The following ITGA8 variants were observed in gnomAD, a reference collection of about 807,000 sequenced individuals.
ITGA8 encodes integrin subunit alpha 8, also known as integrin alpha-8.
ITGA8 carries 91 observed loss-of-function variants against 142.3 expected under a neutral mutation model. The ratio of observed to expected loss-of-function variants is 0.64; its 90% CI spans 0.54 to 0.76. The LOEUF is 0.76. Ranked by LOEUF, ITGA8 falls within the 30% of genes least tolerant of loss-of-function variation. ITGA8 has a pLI of 0.00. For missense variants in ITGA8, 1,406 were observed against 1,327.7 expected, an observed-to-expected ratio of 1.06 and a Z score of -0.92; for synonymous variants, 505 against 485.2, an observed-to-expected ratio of 1.04 and a Z score of -0.54.
chr10:15,570,129 T>C (rs2131579618), intron 25 of ITGA8, among the ~76,000 whole-genome samples: 1 of 152,352 alleles, frequency 6.6e-6, no homozygotes, highest in Admixed American at 6.5e-5. Context: ...TCTCTATGAA[T>C]TTAGAATTTC....
chr10:15,601,983 G>A (rs1833112119), intron 20 of ITGA8, among the ~76,000 whole-genome samples: 1 of 152,208 alleles, frequency 6.6e-6, no homozygotes, highest in Non-Finnish European at 1.5e-5. Flanking sequence ...AAGTAGTGAA[G>A]GAATCATTTG....
chr10:15,531,191 A>G (rs1325516750), intron 27 of ITGA8, 40 bp from the exon 28 acceptor site: 1 of 1,083,784 alleles, frequency 9.2e-7, no homozygotes, highest in Non-Finnish European at 1.3e-6. Context: ...TTTCATATAA[A>G]GTTTTTAAGA....
chr10:15,640,262 A>C (rs1040204901), intron 13 of ITGA8, among the ~76,000 whole-genome samples: 1 of 152,136 alleles, frequency 6.6e-6, no homozygotes, highest in Non-Finnish European at 1.5e-5. Flanking sequence ...GGTCTTCCTC[A>C]TAGACAAGGA....
At chr10:15,571,801 C>T (rs556034240) in intron 25 of ITGA8, among the ~76,000 whole-genome samples, 1 of 152,326 alleles carries the variant, frequency 6.6e-6, no homozygotes, top group African/African-American at 2.4e-5. Context: ...TTGCTATGGG[C>T]TGCAGCTGGA....
chr10:15,701,152 A>T (rs994967497), intron 2 of ITGA8, among the ~76,000 whole-genome samples: 1 of 152,198 alleles, frequency 6.6e-6, no homozygotes, highest in Admixed American at 6.5e-5. Context: ...TTAAAAGTCA[A>T]ATATTCTATG....
Position 15,656,793 on chromosome 10 carries a change from A to G in ITGA8, c.949-1387T>C, listed in dbSNP as rs566441070. Reference sequence around the variant, plus strand: ...TGCCAGTTTGCTTCCATAGTGTGCCATGCAATGTTTGAAGTGACGTAGCTT... The same window carrying G: ...TGCCAGTTTGCTTCCATAGTGTGCCGTGCAATGTTTGAAGTGACGTAGCTT... On this transcript the variant is annotated intron_variant, in intron 10 of 29. Coordinates refer to ENST00000378076, the MANE Select transcript of ITGA8 (RefSeq NM_003638.3). Among the ~76,000 whole-genome samples, 10 of 152,310 alleles carry G rather than the reference A, an allele frequency of 6.6e-5. No homozygotes were observed. The East Asian group carries it at 1.5e-3, about 24-fold the overall frequency.
intron 14 of ITGA8, among the ~76,000 whole-genome samples, chr10:15,615,633 C>A (rs1833377131): frequency 6.6e-6 from 1 of 152,172 alleles, no homozygotes; most frequent in African/African-American, 2.4e-5. Flanking sequence ...CATGCCTCAG[C>A]CTCCCGAGTA....
intron 26 of ITGA8, among the ~76,000 whole-genome samples, chr10:15,556,022 T>C (rs1226652740): frequency 1.0e-3 from 78 of 75,916 alleles, no homozygotes; most frequent in African/African-American, 2.8e-3. Flanking sequence ...CTCTCTCTTT[T>C]TTTTTTTTTT....
intron 11 of ITGA8, among the ~76,000 whole-genome samples, chr10:15,648,865 T>C (rs1834035472): frequency 6.6e-6 from 1 of 152,246 alleles, no homozygotes; most frequent in Admixed American, 6.5e-5. Context: ...TGATGACTAT[T>C]AGGTCAACCA....
chr10:15,535,463 ACTG>A (rs1250089104), intron 27 of ITGA8, among the ~76,000 whole-genome samples: 6 of 152,178 alleles, frequency 3.9e-5, no homozygotes, highest in African/African-American at 1.4e-4. Context: ...ACCAATCGGC[ACTG>A]TGTATGTAGC....
At chr10:15,584,384 A>T (rs1295432902) in intron 23 of ITGA8, among the ~76,000 whole-genome samples, 3 of 152,214 alleles carry the variant, frequency 2.0e-5, no homozygotes, top group Admixed American at 2.0e-4. Flanking sequence ...GTCAACAAAG[A>T]TTAAAAAGCT....
intron 24 of ITGA8, among the ~76,000 whole-genome samples, chr10:15,572,978 T>C (rs113153206): frequency 6.6e-6 from 1 of 152,222 alleles, no homozygotes; most frequent in African/African-American, 2.4e-5. Context: ...GTGAATCCTA[T>C]ACTTGGAGGA....
At chr10:15,702,138 G>A (rs545787408) in intron 2 of ITGA8, among the ~76,000 whole-genome samples, 5 of 152,028 alleles carry the variant, frequency 3.3e-5, no homozygotes, top group South Asian at 4.2e-4. Context: ...TACGATGTTC[G>A]AGAGATGTGT....
chr10:15,719,576 G>A lies in ITGA8; in HGVS notation c.196C>T (p.Pro66Ser), dbSNP rs764440057. Reference sequence around the variant, plus strand: ...CGGGCGACTTACGTGCGGGCGTCGGGTATGTGGAAGTCCACGGCGTAGCCG... The same window carrying A: ...CGGGCGACTTACGTGCGGGCGTCGGATATGTGGAAGTCCACGGCGTAGCCG... Reference protein sequence around the residue: ...YFGYAVDFHIPDARTASVLVG... With the variant: ...YFGYAVDFHISDARTASVLVG... Residue 66 changes from proline (P) to serine (S), a missense_variant, in exon 1 of 30, where the codon CCC (proline) becomes TCC (serine). Physicochemically the swap from Pro to Ser is moderately conservative, Grantham distance 74. Coordinates refer to ENST00000378076, the MANE Select transcript of ITGA8 (RefSeq NM_003638.3). The A allele has an allele frequency of 2.7e-5, 42 of 1,563,396 alleles. No homozygotes were observed. In the Middle Eastern group the frequency reaches 6.7e-4, roughly 25 times the overall value.
chr10:15,524,155 G>A (rs549743496), intron 28 of ITGA8, among the ~76,000 whole-genome samples: 3 of 152,166 alleles, frequency 2.0e-5, no homozygotes, highest in Non-Finnish European at 4.4e-5. Context: ...GTACTGAGGC[G>A]GCCCAATCTT....
chr10:15,652,289 G>A (rs12774263), intron 11 of ITGA8, among the ~76,000 whole-genome samples: 15,123 of 152,230 alleles, frequency 0.099, 929 homozygotes, highest in East Asian at 0.29. Flanking sequence ...GGCATAAGGC[G>A]AAGCTTGGGC....
intron 29 of ITGA8, 46 bp from the exon 30 acceptor site, chr10:15,517,290 C>T (rs1158596812): frequency 7.9e-7 from 1 of 1,267,826 alleles, no homozygotes; most frequent in East Asian, 2.3e-5. Context: ...TTCTGGGAAC[C>T]TGTGAAACCC....
chr10:15,658,399 A>G (rs1834225448), intron 10 of ITGA8, among the ~76,000 whole-genome samples: 1 of 152,072 alleles, frequency 6.6e-6, no homozygotes, highest in East Asian at 1.9e-4. Flanking sequence ...AAAAATTCTT[A>G]ATCCCAAACA....
At chr10:15,668,587 G>A (rs1046981620) in intron 8 of ITGA8, among the ~76,000 whole-genome samples, 17 of 151,570 alleles carry the variant, frequency 1.1e-4, no homozygotes, top group Admixed American at 5.9e-4. Context: ...TATTTTGCTC[G>A]TTAGTTGATG....
Sources: allele counts gnomAD v4.1 joint callset (sites outside exome capture counted in the v4.1 genomes callset), GRCh38; gene constraint gnomAD v4.1.1; transcripts MANE v1.5; gene names NCBI Gene and HGNC (gene_info 2026-07-23, HGNC 2026-07-21).